PTPRK: variants seen among roughly 807,000 people sequenced by gnomAD.
PTPRK encodes the protein protein tyrosine phosphatase receptor type K.
PTPRK carries 75 observed loss-of-function variants against 178.0 expected under a neutral mutation model. The ratio of observed to expected loss-of-function variants is 0.42; its 90% CI spans 0.35 to 0.51. The LOEUF (loss-of-function observed/expected upper bound fraction) is 0.51. Among genes scored for constraint, PTPRK ranks in the 20% least tolerant of loss-of-function variants. PTPRK has a pLI of 0.02. For missense variants in PTPRK, 1,441 were observed against 1,797.8 expected, an observed-to-expected ratio of 0.80 and a Z score of 3.59; for synonymous variants, 637 against 620.6, an observed-to-expected ratio of 1.03 and a Z score of -0.39.
At chr6:128,478,017 T>A (rs60184471) in intron 1 of PTPRK, among the ~76,000 whole-genome samples, 4,007 of 152,174 alleles carry the variant, frequency 0.026, 167 homozygotes, top group African/African-American at 0.089. Flanking sequence ...ATCACCTTAC[T>A]TAGGGCAAAT....
At chr6:128,104,470 C>T (rs972748902) in intron 7 of PTPRK, among the ~76,000 whole-genome samples, 3 of 152,222 alleles carry the variant, frequency 2.0e-5, no homozygotes, top group African/African-American at 7.2e-5. Flanking sequence ...GATCCGCCTG[C>T]CTCGGCCTCC....
intron 13 of PTPRK, among the ~76,000 whole-genome samples, chr6:128,016,264 T>C (rs1779579614): frequency 6.6e-6 from 1 of 151,848 alleles, no homozygotes; most frequent in African/African-American, 2.4e-5. Context: ...ACCCGAGTGT[T>C]TTTATAGCAG....
At chr6:128,510,286 A>C (rs1856978952) in intron 1 of PTPRK, among the ~76,000 whole-genome samples, 1 of 152,196 alleles carries the variant, frequency 6.6e-6, no homozygotes, top group African/African-American at 2.4e-5. Flanking sequence ...CAAATCCACT[A>C]GCACTAACAT....
chr6:128,003,211 G>A (rs1778038251), intron 15 of PTPRK: 6 of 1,604,432 alleles, frequency 3.7e-6, no homozygotes, highest in Non-Finnish European at 5.1e-6. Context: ...CACAGCAGTC[G>A]GTACAAGTGG....
intron 3 of PTPRK, among the ~76,000 whole-genome samples, chr6:128,318,828 C>A (rs1828393509): frequency 6.6e-6 from 1 of 152,074 alleles, no homozygotes; most frequent in Admixed American, 6.6e-5. Context: ...GGAGATGACA[C>A]CTAAGGATTT....
intron 1 of PTPRK, among the ~76,000 whole-genome samples, chr6:128,418,410 G>A (rs1843076030): frequency 6.6e-6 from 1 of 152,216 alleles, no homozygotes; most frequent in African/African-American, 2.4e-5. Flanking sequence ...GGCTGAATGA[G>A]CATACTGCCT....
intron 1 of PTPRK, among the ~76,000 whole-genome samples, chr6:128,427,622 T>C (rs998841418): frequency 2.6e-5 from 4 of 152,214 alleles, no homozygotes; most frequent in South Asian, 2.1e-4. Context: ...AATCCATTCA[T>C]TAAATACATT....
At chr6:128,318,915 C>T (rs113341533) in intron 3 of PTPRK, among the ~76,000 whole-genome samples, 10 of 152,186 alleles carry the variant, frequency 6.6e-5, no homozygotes, top group East Asian at 3.9e-4. Flanking sequence ...CCATAAAATA[C>T]GTAGAATAGC....
chr6:128,053,306 T>C (rs190697049), intron 13 of PTPRK, among the ~76,000 whole-genome samples: 1 of 151,948 alleles, frequency 6.6e-6, no homozygotes, highest in Non-Finnish European at 1.5e-5. Flanking sequence ...TGCTCCTCAC[T>C]CCATGCAGAC....
At chr6:128,479,670 G>C (rs1324463817) in intron 1 of PTPRK, among the ~76,000 whole-genome samples, 5 of 152,096 alleles carry the variant, frequency 3.3e-5, no homozygotes, top group Non-Finnish European at 1.5e-5. Flanking sequence ...GGTAGAATTT[G>C]AAAGAGAAAT....
At chr6:128,166,745 C>G (rs1368618086) in intron 7 of PTPRK, among the ~76,000 whole-genome samples, 1 of 151,660 alleles carries the variant, frequency 6.6e-6, no homozygotes, top group Non-Finnish European at 1.5e-5. Context: ...TTTAGTATCA[C>G]TATTTTTCCC....
chr6:128,355,775 AC>A (rs1833873443), intron 2 of PTPRK, among the ~76,000 whole-genome samples: 2 of 152,320 alleles, frequency 1.3e-5, no homozygotes, highest in South Asian at 4.1e-4. Context: ...GTGCACATGT[AC>A]CCTAAAACTT....
chr6:128,267,360 T>C (rs902359478), intron 3 of PTPRK, among the ~76,000 whole-genome samples: 1 of 152,132 alleles, frequency 6.6e-6, no homozygotes, highest in African/African-American at 2.4e-5. Flanking sequence ...TATTGACTGC[T>C]GTATCATTTA....
intron 3 of PTPRK, among the ~76,000 whole-genome samples, chr6:128,267,395 A>G (rs1819129634): frequency 6.6e-6 from 1 of 152,096 alleles, no homozygotes; most frequent in South Asian, 2.1e-4. Flanking sequence ...CATGGGGGGA[A>G]ATATCTCTCT....
chr6:128,051,848 C>A (rs546243714), intron 13 of PTPRK, among the ~76,000 whole-genome samples: 1 of 152,260 alleles, frequency 6.6e-6, no homozygotes, highest in South Asian at 2.1e-4. Context: ...CTACACTTGG[C>A]TTTTCCAAAA....
At chr6:128,399,103 T>G (rs1373056323) in intron 1 of PTPRK, among the ~76,000 whole-genome samples, 1 of 152,188 alleles carries the variant, frequency 6.6e-6, no homozygotes, top group Non-Finnish European at 1.5e-5. Flanking sequence ...TTGTTCAGTT[T>G]CCATAGGGAT....
chr6:128,268,034 G>A (rs1819225471), intron 3 of PTPRK, among the ~76,000 whole-genome samples: 2 of 151,934 alleles, frequency 1.3e-5, no homozygotes, highest in South Asian at 2.1e-4. Context: ...TCATATTTTA[G>A]CACACAAGAA....
chr6:128,345,925 C>T (rs897797916), intron 2 of PTPRK, among the ~76,000 whole-genome samples: 3 of 152,148 alleles, frequency 2.0e-5, no homozygotes, highest in African/African-American at 4.8e-5. Flanking sequence ...TCGTTAACTA[C>T]AAAGGAAAGT....
At chr6:128,375,007 C>T (rs1171634605) in intron 2 of PTPRK, among the ~76,000 whole-genome samples, 2 of 151,506 alleles carry the variant, frequency 1.3e-5, no homozygotes, top group Non-Finnish European at 2.9e-5. Flanking sequence ...CATGGATACT[C>T]CTCCACATCT....
Sources: gnomAD v4.1 joint callset for allele counts (sites outside exome capture counted in the v4.1 genomes callset) on GRCh38, gnomAD v4.1.1 for gene constraint, MANE v1.5 for transcripts, NCBI Gene and HGNC (gene_info 2026-07-23, HGNC 2026-07-21) for gene names.